The following VWC2L variants were observed in gnomAD, a reference collection of about 807,000 sequenced individuals.
VWC2L encodes the protein von Willebrand factor C domain-containing protein 2-like.
Under a neutral mutation model 21.6 loss-of-function variants are expected in VWC2L, and 10 were observed. That is an observed-to-expected ratio of 0.46 (90% confidence interval 0.29 to 0.78). VWC2L has a LOEUF of 0.78. Ranked by LOEUF, VWC2L falls within the 30% of genes least tolerant of loss-of-function variation. The pLI is 0.10. For missense variants in VWC2L, 209 were observed against 277.1 expected, an observed-to-expected ratio of 0.75 and a Z score of 1.74; for synonymous variants, 96 against 94.3, an observed-to-expected ratio of 1.02 and a Z score of -0.10.
intron 3 of VWC2L, among the ~76,000 whole-genome samples, chr2:214,469,468 G>A (rs531465347): frequency 2.0e-5 from 3 of 152,208 alleles, no homozygotes; most frequent in South Asian, 2.1e-4. Context: ...GGTGGCGGGC[G>A]CCTGTAGTCC....
intron 3 of VWC2L, among the ~76,000 whole-genome samples, chr2:214,460,314 T>C (rs976254776): frequency 4.6e-5 from 7 of 152,234 alleles, no homozygotes; most frequent in Admixed American, 3.3e-4. Context: ...CTTGCTAGGT[T>C]TGGGAAGTGT....
chr2:214,575,968 T>C lies in VWC2L; in HGVS notation c.*148T>C. 1.2e-6 allele frequency: 1 copy of C among 843,842 alleles called. No individual in the cohort carries two copies. Among genetic ancestry groups the C allele is most frequent in the Non-Finnish European group, 1.8e-6 (1 of 560,502 alleles). The allele number at this position is 843,842 out of a possible 1,614,324, so 52.3% of individuals were successfully genotyped here. A position where few individuals can be genotyped will look rare whatever the true frequency, so the allele number is the denominator to read the frequency against. On this transcript the variant is annotated 3_prime_UTR_variant, in exon 4 of 4. Transcript: ENST00000312504. The stretch of plus-strand genomic sequence containing the variant: ...TTTCTAGGGTTGACAAAAGTGAATA[T>C]TTTCCTAAGAGGAAATTTCTTTCTC...
intron 3 of VWC2L, among the ~76,000 whole-genome samples, chr2:214,471,001 T>C (rs1703300638): frequency 6.7e-6 from 1 of 149,752 alleles, no homozygotes. Flanking sequence ...TTCAAGGTCA[T>C]ACTTTGATCA....
intron 3 of VWC2L, among the ~76,000 whole-genome samples, chr2:214,442,644 T>A (rs1255754201): frequency 6.6e-6 from 1 of 151,918 alleles, no homozygotes; most frequent in Non-Finnish European, 1.5e-5. Context: ...TTTTTACAAA[T>A]CTATATTTAT....
intron 3 of VWC2L, among the ~76,000 whole-genome samples, chr2:214,509,952 G>T (rs1221594137): frequency 3.9e-5 from 6 of 152,138 alleles, no homozygotes; most frequent in Non-Finnish European, 8.8e-5. Context: ...AGATGTTTTT[G>T]CAAGTAAAGT....
intron 3 of VWC2L, among the ~76,000 whole-genome samples, chr2:214,522,970 T>C (rs1214197653): frequency 6.6e-6 from 1 of 152,234 alleles, no homozygotes; most frequent in Non-Finnish European, 1.5e-5. Flanking sequence ...TGCTTGTTTA[T>C]ATAATATATT....
intron 3 of VWC2L, among the ~76,000 whole-genome samples, chr2:214,544,147 A>C (rs1287775804): frequency 6.6e-6 from 1 of 152,142 alleles, no homozygotes; most frequent in Non-Finnish European, 1.5e-5. Context: ...TCTGATTCCA[A>C]GTTATTTGCT....
At chr2:214,524,921 A>G (rs927535829) in intron 3 of VWC2L, among the ~76,000 whole-genome samples, 1 of 130,988 alleles carries the variant, frequency 7.6e-6, no homozygotes, top group Non-Finnish European at 1.6e-5. Context: ...AGCCAAGGGC[A>G]CTTTGGCTGG....
intron 3 of VWC2L, among the ~76,000 whole-genome samples, chr2:214,465,668 C>T (rs1703204750): frequency 6.6e-6 from 1 of 152,148 alleles, no homozygotes; most frequent in Non-Finnish European, 1.5e-5. Context: ...TGGCTCAGAG[C>T]CCAGCTCAGC....
At chr2:214,500,290 T>TA (rs948011171) in intron 3 of VWC2L, among the ~76,000 whole-genome samples, 1 of 152,346 alleles carries the variant, frequency 6.6e-6, no homozygotes, top group Admixed American at 6.5e-5. Flanking sequence ...GGAAACATTT[T>TA]AAAAAATAGG....
At chr2:214,575,056 A>T (rs1267502478) in intron 3 of VWC2L, among the ~76,000 whole-genome samples, 4 of 141,426 alleles carry the variant, frequency 2.8e-5, no homozygotes, top group Admixed American at 1.4e-4. Flanking sequence ...AAAAAAAAAA[A>T]GAGCCAGCAG....
At chr2:214,462,009 T>C (rs1240331183) in intron 3 of VWC2L, among the ~76,000 whole-genome samples, 3 of 152,172 alleles carry the variant, frequency 2.0e-5, no homozygotes, top group Non-Finnish European at 4.4e-5. Context: ...AGTTCAAATG[T>C]CATCGCATTA....
intron 3 of VWC2L, among the ~76,000 whole-genome samples, chr2:214,471,616 A>G (rs1703311944): frequency 6.6e-6 from 1 of 152,170 alleles, no homozygotes. Context: ...ACTATTTCCT[A>G]TCAGAAGCCC....
At chr2:214,522,374 CAAAAAAAAAA>C (rs5838440) in intron 3 of VWC2L, among the ~76,000 whole-genome samples, 2 of 102,972 alleles carry the variant, frequency 1.9e-5, no homozygotes, top group African/African-American at 8.0e-5. Context: ...GACCCCGTCT[CAAAAAAAAAA>C]AAAAAAAAAA....
intron 3 of VWC2L, among the ~76,000 whole-genome samples, chr2:214,542,058 C>A (rs1049670124): frequency 6.6e-6 from 1 of 152,046 alleles, no homozygotes; most frequent in East Asian, 1.9e-4. Flanking sequence ...AGCATTGGCT[C>A]CCTGAGTGAA....
At chr2:214,459,709 T>C (rs1423376106) in intron 3 of VWC2L, among the ~76,000 whole-genome samples, 1 of 152,158 alleles carries the variant, frequency 6.6e-6, no homozygotes, top group Non-Finnish European at 1.5e-5. Flanking sequence ...TCTTCCTTCA[T>C]TTATGAATAA....
chr2:214,505,327 C>T (rs1688952662), intron 3 of VWC2L, among the ~76,000 whole-genome samples: 2 of 152,140 alleles, frequency 1.3e-5, no homozygotes, highest in Non-Finnish European at 2.9e-5. Flanking sequence ...AACAGTGGTA[C>T]ATAAACCTCC....
In VWC2L at chr2:214,436,640, T is replaced by G; in HGVS notation, c.402T>G (p.Cys134Trp). The G allele has an allele frequency of 6.2e-7, 1 of 1,613,254 alleles. No homozygotes were observed. Among genetic ancestry groups the G allele is most frequent in the Non-Finnish European group, 8.5e-7 (1 of 1,179,362 alleles). Residue 134 changes from cysteine to tryptophan, a missense_variant, in exon 3 of 4, where the codon TGT (cysteine) becomes TGG (tryptophan). Coordinates refer to ENST00000312504, the MANE Select transcript of VWC2L (RefSeq NM_001080500.4). ...KILEEFKPSP[C>W]EWCRCEPSNE... ...AGATTTGTTCCTAGCCCTCTCCATG[T>G]GAATGGTGTCGCTGTGAGCCCAGCA...
chr2:214,516,323 T>C (rs1210327375), intron 3 of VWC2L, among the ~76,000 whole-genome samples: 1 of 152,040 alleles, frequency 6.6e-6, no homozygotes, highest in Non-Finnish European at 1.5e-5. Flanking sequence ...ATCCCCTGCC[T>C]CCTAAGCTTC....
Sources: allele counts gnomAD v4.1 joint callset (sites outside exome capture counted in the v4.1 genomes callset), GRCh38; gene constraint gnomAD v4.1.1; transcripts MANE v1.5; gene names NCBI Gene and HGNC (gene_info 2026-07-23, HGNC 2026-07-21).